Variants in RNF150 observed in about 807,000 individuals in gnomAD.
RNF150 encodes the protein ring finger protein 150.
In RNF150, 24 loss-of-function variants were observed where a neutral mutation model predicts 39.3. That is an observed-to-expected ratio of 0.61 (90% CI 0.44 to 0.86). RNF150 has a LOEUF of 0.86. Ranked by LOEUF, RNF150 falls within the 40% of genes least tolerant of loss-of-function variation. The pLI is 0.00. For synonymous variants in RNF150, 255 were observed against 227.3 expected (o/e 1.12, Z -1.10); for missense variants, 502 against 587.8 (o/e 0.85, Z 1.51).
intron 1 of RNF150, among the ~76,000 whole-genome samples, chr4:141,181,956 G>C (rs953843107): frequency 4.6e-5 from 7 of 152,154 alleles, no homozygotes; most frequent in African/African-American, 1.4e-4. Flanking sequence ...AGCTCTATCA[G>C]TTCCAACCTA....
intron 5 of RNF150, among the ~76,000 whole-genome samples, chr4:140,922,969 T>C (rs1338313182): frequency 6.6e-6 from 1 of 150,678 alleles, no homozygotes; most frequent in Non-Finnish European, 1.5e-5. Flanking sequence ...AAAAATTAAT[T>C]CAAGATGGAT....
At chr4:141,131,473 G>T (rs1726890388) in intron 1 of RNF150, among the ~76,000 whole-genome samples, 1 of 152,172 alleles carries the variant, frequency 6.6e-6, no homozygotes, top group African/African-American at 2.4e-5. Flanking sequence ...TTTTTTGGGG[G>T]GAGGGTGTTC....
intron 1 of RNF150, among the ~76,000 whole-genome samples, chr4:141,080,946 C>T (rs1433322441): frequency 1.3e-5 from 2 of 152,178 alleles, no homozygotes; most frequent in Admixed American, 6.5e-5. Context: ...CCAAACGAGA[C>T]CTGCAGGTAC....
intron 1 of RNF150, among the ~76,000 whole-genome samples, chr4:141,155,067 G>T (rs1727361248): frequency 6.6e-6 from 1 of 151,894 alleles, no homozygotes; most frequent in South Asian, 2.1e-4. Context: ...CTATACATTT[G>T]GAGAGGAGAG....
At chr4:141,025,263 T>A (rs1050477802) in intron 1 of RNF150, among the ~76,000 whole-genome samples, 1 of 152,106 alleles carries the variant, frequency 6.6e-6, no homozygotes, top group Non-Finnish European at 1.5e-5. Context: ...AACCAAATTG[T>A]ACCTGAAATG....
intron 1 of RNF150, among the ~76,000 whole-genome samples, chr4:141,018,856 C>T (rs891527237): frequency 6.6e-6 from 1 of 151,984 alleles, no homozygotes; most frequent in Non-Finnish European, 1.5e-5. Context: ...ACTAAAACTA[C>T]AGGACCTTAT....
intron 6 of RNF150, among the ~76,000 whole-genome samples, chr4:140,889,474 C>A (rs1321077526): frequency 6.6e-6 from 1 of 152,178 alleles, no homozygotes; most frequent in African/African-American, 2.4e-5. Context: ...TATACACATT[C>A]CTCCTAACCC....
At chr4:140,957,069 C>T (rs1732787110) in intron 2 of RNF150, among the ~76,000 whole-genome samples, 2 of 148,972 alleles carry the variant, frequency 1.3e-5, no homozygotes, top group African/African-American at 2.5e-5. Context: ...TCTAATTAAA[C>T]TAAAGAGCTT....
At chr4:141,078,633 A>C (rs921077492) in intron 1 of RNF150, among the ~76,000 whole-genome samples, 1 of 151,042 alleles carries the variant, frequency 6.6e-6, no homozygotes, top group African/African-American at 2.4e-5. Flanking sequence ...TACAAACAAA[A>C]AAAAAAATTA....
intron 1 of RNF150, among the ~76,000 whole-genome samples, chr4:141,016,863 C>A (rs185426324): frequency 6.9e-4 from 105 of 152,268 alleles, no homozygotes; most frequent in Non-Finnish European, 1.3e-3. Flanking sequence ...TCTTTCGGCC[C>A]AGTTCTGCTC....
rs74337091 is a variant in RNF150 at position 140,965,541 on chromosome 4, C to T, written c.735+2082G>A. ...CGAATGGATAAAGAAAATGTATATACATACACACATACAATGGATTATTAT... is the reference window on the plus strand; with the variant it reads ...CGAATGGATAAAGAAAATGTATATATATACACACATACAATGGATTATTAT... On this transcript the variant is annotated intron_variant, in intron 2 of 6. Coordinates refer to ENST00000515673, the MANE Select transcript of RNF150 (RefSeq NM_020724.2). 2.4e-4 allele frequency among the ~76,000 whole-genome samples: 36 copies of T among 152,194 alleles called. 1 individual carries two copies. The East Asian group carries it at 6.2e-3, about 26-fold the overall frequency.
At chr4:140,897,930 C>T (rs1730022851) in intron 6 of RNF150, among the ~76,000 whole-genome samples, 1 of 152,112 alleles carries the variant, frequency 6.6e-6, no homozygotes. Flanking sequence ...TGGGCCTTGA[C>T]CTAGCTTTAC....
At chr4:141,130,463 TC>T (rs1198414678) in intron 1 of RNF150, among the ~76,000 whole-genome samples, 3 of 152,188 alleles carry the variant, frequency 2.0e-5, no homozygotes, top group Non-Finnish European at 4.4e-5. Context: ...AAACTTCCAC[TC>T]CCACTATCTT....
At chr4:141,002,108 G>T (rs891932974) in intron 1 of RNF150, among the ~76,000 whole-genome samples, 1 of 152,052 alleles carries the variant, frequency 6.6e-6, no homozygotes, top group Non-Finnish European at 1.5e-5. Flanking sequence ...CCCAATTTAG[G>T]TTAGGGAAAT....
rs202067011 is a variant in RNF150, at chr4:141,197,886, AAT to A, written c.-6+14906_-6+14907del. Reference sequence around the variant, plus strand: ...GAGCAAGATTCTGTCTCAAAAAAAAAATAAATAAATAAAAAAGAAATGGCCTC... The same window carrying A: ...GAGCAAGATTCTGTCTCAAAAAAAAAAAATAAATAAAAAAGAAATGGCCTC... On this transcript the variant is annotated intron_variant, in intron 1 of 7. Transcript: ENST00000420921. Among the ~76,000 whole-genome samples, 560 of 152,190 alleles carry A rather than the reference AAT, an allele frequency of 3.7e-3. 5 individuals carry two copies. The highest frequency in any genetic ancestry group is 0.013 in the African/African-American group (544 of 41,510).
At chr4:140,912,850 T>C (rs1387182969) in intron 5 of RNF150, among the ~76,000 whole-genome samples, 1 of 152,118 alleles carries the variant, frequency 6.6e-6, no homozygotes, top group East Asian at 1.9e-4. Flanking sequence ...TCATTGACAT[T>C]GGACACGAGC....
rs553355418 is a variant in RNF150 at position 141,172,929 on chromosome 4, G to T, written c.-6+39865C>A. ...TGATCCCAGCTACTAGGGAGCCTGA[G>T]GCAGGAGAATCGCTTGAACCCGGGA... On this transcript the variant is annotated intron_variant, in intron 1 of 7. Coordinates refer to the RNF150 transcript ENST00000420921. Among the ~76,000 whole-genome samples the T allele has an allele frequency of 2.0e-5, 3 of 152,100 alleles. No individual in the cohort carries two copies. The South Asian group carries it at 6.2e-4, about 32-fold the overall frequency.
upstream of RNF150, among the ~76,000 whole-genome samples, chr4:141,135,199 G>C (rs1727009618): frequency 6.6e-6 from 1 of 152,160 alleles, no homozygotes; most frequent in African/African-American, 2.4e-5. Flanking sequence ...TTAACAATGA[G>C]TATGAAATAA....
At chr4:141,087,830 A>G (rs985862032) in intron 1 of RNF150, among the ~76,000 whole-genome samples, 1 of 151,870 alleles carries the variant, frequency 6.6e-6, no homozygotes, top group Non-Finnish European at 1.5e-5. Context: ...TGTTTCATGG[A>G]CTTTTTTTTT....
Sources: allele counts gnomAD v4.1 joint callset (sites outside exome capture counted in the v4.1 genomes callset), GRCh38; gene constraint gnomAD v4.1.1; transcripts MANE v1.5; gene names NCBI Gene and HGNC (gene_info 2026-07-23, HGNC 2026-07-21).